The following TRIM68 variants were observed in gnomAD, a reference collection of about 807,000 sequenced individuals.
The protein encoded by TRIM68 is tripartite motif containing 68.
Under a neutral mutation model 41.9 loss-of-function variants are expected in TRIM68, and 36 were observed. That is an observed-to-expected ratio of 0.86 (90% CI 0.66 to 1.14). The LOEUF is 1.14. Among genes scored for constraint, TRIM68 ranks in the 50% most tolerant of loss-of-function variants. The pLI, the probability that TRIM68 is intolerant of heterozygous loss-of-function variation, is 0.00. For synonymous variants in TRIM68, 225 were observed against 224.6 expected (o/e 1.00, Z -0.02); for missense variants, 632 against 605.1 (o/e 1.04, Z -0.47).
At position 4,600,788 on chromosome 11, in the gene TRIM68, G is replaced by C; in HGVS notation, c.946C>G (p.Leu316Val). The C allele has an allele frequency of 1.9e-6, 3 of 1,614,132 alleles. No individual in the cohort carries two copies. The South Asian group carries it at 3.3e-5, about 18-fold the overall frequency. The stretch of plus-strand genomic sequence containing the variant: ...CGTTTTCTGTCCTCAGACACGATGA[G>C]ACGGGAGTAAGCAGTATCTGGATCC... ...RLDPDTAYSR[L>V]IVSEDRKRVH... Residue 316 changes from leucine (L) to valine (V), a missense_variant, in exon 7 of 7, where the codon CTC becomes GTC. Leu to Val is a conservative substitution (Grantham distance 32). Transcript: ENST00000300747.
chr11:4,599,670 C>G lies in TRIM68; in HGVS notation c.*606G>C, dbSNP rs1305251293. 6.6e-6 allele frequency: 1 copy of G among 152,276 alleles called. No homozygotes were observed. Among genetic ancestry groups the G allele is most frequent in the Non-Finnish European group, 1.5e-5 (1 of 68,132 alleles). 9.4% of individuals were successfully genotyped at this position (152,276 alleles called of 1,614,324 possible). ...GACAGTGATTTGCCCAGCTTGTGCT[C>G]AGAGAGGGAACGGCAGTGGGGTGGC... On this transcript the variant is annotated 3_prime_UTR_variant, in exon 7 of 7. Transcript: ENST00000300747.
chr11:4,601,962 G>T, intron 4 of TRIM68, 190 bp downstream of exon 4: 1 of 869,346 alleles, frequency 1.2e-6, no homozygotes, highest in Non-Finnish European at 1.8e-6. Flanking sequence ...CACCTATGAT[G>T]CTACAACAGA....
At chr11:4,607,196 T>G (rs969881083) in intron 1 of TRIM68, among the ~76,000 whole-genome samples, 3 of 152,250 alleles carry the variant, frequency 2.0e-5, no homozygotes, top group African/African-American at 7.2e-5. Flanking sequence ...GATCCTGCCT[T>G]TGACGTCATT....
chr11:4,600,157 G>C lies in TRIM68; in HGVS notation c.*119C>G. On this transcript the variant is annotated 3_prime_UTR_variant, in exon 7 of 7. Transcript: ENST00000300747. ...GCAAAGACCAAAGGATCAGACAGAG[G>C]AATCCTTGGATACTGGGCTCAGCTC... 9.7e-7 allele frequency: 1 copy of C among 1,027,296 alleles called. No homozygotes were observed. The highest frequency in any genetic ancestry group is 1.9e-5 in the South Asian group (1 of 52,588). 63.6% of individuals were successfully genotyped at this position (1,027,296 alleles called of 1,614,324 possible). A position where few individuals can be genotyped will look rare whatever the true frequency, so the allele number is the denominator to read the frequency against.
At position 4,600,640 on chromosome 11, in the gene TRIM68, C is replaced by G; in HGVS notation, c.1094G>C (p.Gly365Ala). 1.2e-6 allele frequency: 2 copies of G among 1,614,170 alleles called. No individual in the cohort carries two copies. Among genetic ancestry groups the G allele is most frequent in the Non-Finnish European group, 1.7e-6 (2 of 1,180,026 alleles). ...SGRHYWEVEV[G>A]DRSEWGLGVC... ...TCCCAGGCCCCACTCAGACCTGTCT[C>G]CCACCTCCACCTCCCAGTAGTGCCG... The change falls in exon 7 of 7, where the codon GGA (glycine) becomes GCA (alanine). Residue 365 changes from glycine to alanine, a missense_variant. Gly to Ala is a moderately conservative substitution (Grantham distance 60). Coordinates refer to ENST00000300747, the MANE Select transcript of TRIM68 (RefSeq NM_018073.8).
chr11:4,602,223 T>A lies in TRIM68; in HGVS notation c.712A>T (p.Ser238Cys). ...GCAATCATCCTCCACAGGACCTGGC[T>A]CTGCTGGATGAGCTCGCTATGGTTC... Reference protein sequence around the residue: ...ELNHSELIQQSQVLWRMIAEL... With the variant: ...ELNHSELIQQCQVLWRMIAEL... Residue 238 changes from serine to cysteine, a missense_variant, in exon 4 of 7, where the codon AGC (serine) becomes TGC (cysteine). Physicochemically the swap from Ser to Cys is moderately radical, Grantham distance 112. Transcript: ENST00000300747. The A allele has an allele frequency of 6.2e-7, 1 of 1,614,132 alleles. No individual in the cohort carries two copies. Among genetic ancestry groups the A allele is most frequent in the Non-Finnish European group, 8.5e-7 (1 of 1,180,026 alleles).
In TRIM68 at chr11:4,605,058, T is replaced by G. The variant is rs764604487; in HGVS notation, c.426+21A>C. Reference sequence around the variant, plus strand: ...ACTTGGGGCCGGGGTTAGACTGGAGTGGCCAGCTTCCATCTCTCACCTTGT... The same window carrying G: ...ACTTGGGGCCGGGGTTAGACTGGAGGGGCCAGCTTCCATCTCTCACCTTGT... On this transcript the variant is annotated intron_variant, in intron 2 of 6. Coordinates refer to ENST00000300747, the MANE Select transcript of TRIM68 (RefSeq NM_018073.8). 5 of 1,608,636 alleles carry G rather than the reference T, an allele frequency of 3.1e-6. No individual in the cohort carries two copies. The South Asian group carries it at 5.5e-5, about 18-fold the overall frequency.
chr11:4,604,712 T>C (rs984904956), intron 2 of TRIM68, among the ~76,000 whole-genome samples: 1 of 152,240 alleles, frequency 6.6e-6, no homozygotes, highest in African/African-American at 2.4e-5. Context: ...TAGGAGGAGT[T>C]TGCAGGTCAG....
chr11:4,603,081 G>A (rs1846517156), intron 3 of TRIM68, among the ~76,000 whole-genome samples, 164 bp downstream of exon 3: 1 of 152,146 alleles, frequency 6.6e-6, no homozygotes. Context: ...GAGGTGACGT[G>A]GCCTACCTAA....
Position 4,600,790 on chromosome 11 carries a change from C to A in TRIM68, c.944G>T (p.Arg315Leu). ...VRLDPDTAYS[R>L]LIVSEDRKRV... ...TTTTCTGTCCTCAGACACGATGAGA[C>A]GGGAGTAAGCAGTATCTGGATCCAA... is the stretch of plus-strand genomic sequence containing the variant. The change falls in exon 7 of 7, where the codon CGT becomes CTT. Residue 315 changes from arginine to leucine, a missense_variant. Physicochemically the swap from Arg to Leu is moderately radical, Grantham distance 102. Coordinates refer to ENST00000300747, the MANE Select transcript of TRIM68 (RefSeq NM_018073.8). 1 of 1,613,930 alleles carries A rather than the reference C, an allele frequency of 6.2e-7. No homozygotes were observed. Among genetic ancestry groups the A allele is most frequent in the Non-Finnish European group, 8.5e-7 (1 of 1,179,940 alleles).
intron 1 of TRIM68, among the ~76,000 whole-genome samples, 175 bp from the exon 2 acceptor site, chr11:4,605,736 C>T (rs1382227849): frequency 6.6e-6 from 1 of 152,260 alleles, no homozygotes; most frequent in African/African-American, 2.4e-5. Context: ...GAACGGGCCA[C>T]ATTACTCATA....
chr11:4,602,162 C>G lies in TRIM68; in HGVS notation c.773G>C (p.Trp258Ser). The G allele has an allele frequency of 1.9e-6, 3 of 1,614,166 alleles. No homozygotes were observed. ...AAACCTACTACTCACCTGCAACATC[C>G]AGCGGACAGGCCTCTGCGACCTCTC... ...LKERSQRPVR[W>S]MLQDIQEVLN... The change falls in exon 4 of 7, where the codon TGG becomes TCG. Residue 258 changes from tryptophan (W) to serine (S), a missense_variant. Physicochemically the swap from Trp to Ser is radical, Grantham distance 177 (BLOSUM62 -3). Coordinates refer to ENST00000300747, the MANE Select transcript of TRIM68 (RefSeq NM_018073.8).
At chr11:4,605,584 A>G (rs1316820074) in intron 1 of TRIM68, 23 bp from the exon 2 acceptor site, 18 of 1,358,800 alleles carry the variant, frequency 1.3e-5, no homozygotes, top group Middle Eastern at 1.9e-4. Flanking sequence ...AAAGAAAGAC[A>G]AATAAGAGAA....
At chr11:4,601,800 A>G (rs1846493327) in intron 4 of TRIM68, 114 bp from the exon 5 acceptor site, 10 of 1,251,798 alleles carry the variant, frequency 8.0e-6, no homozygotes, top group Middle Eastern at 3.7e-4. Context: ...CCAAGAATGG[A>G]GAGATGCCAT....
rs142062427 is a variant in TRIM68, at chr11:4,604,781, A to G, written c.426+298T>C. On this transcript the variant is annotated intron_variant, in intron 2 of 6. Transcript: ENST00000300747. The stretch of plus-strand genomic sequence containing the variant: ...GCCTAAACTCATCCAAGGCATCCAG[A>G]ATCTCAGTTAAAACCCAAACTGTTT... Among the ~76,000 whole-genome samples, 366 of 152,330 alleles carry G rather than the reference A, an allele frequency of 2.4e-3. 1 individual carries two copies. Among genetic ancestry groups the G allele is most frequent in the Non-Finnish European group, 3.0e-3 (203 of 68,024 alleles).
rs1846460200 is a variant in TRIM68, at chr11:4,600,227, T to G, written c.*49A>C. On this transcript the variant is annotated 3_prime_UTR_variant, in exon 7 of 7. Transcript: ENST00000300747. ...CAGTGGCTCGGTCCTCCAAGCCCCA[T>G]GGGGGCCAGGCCCAATTCCAAGCCT... The G allele has an allele frequency of 6.6e-7, 1 of 1,509,936 alleles. No homozygotes were observed. Among genetic ancestry groups the G allele is most frequent in the Non-Finnish European group, 8.9e-7 (1 of 1,129,112 alleles). The allele number at this position is 1,509,936 out of a possible 1,614,324, so 93.5% of individuals were successfully genotyped here.
chr11:4,607,610 T>C (rs1846587888), intron 1 of TRIM68, among the ~76,000 whole-genome samples: 1 of 152,230 alleles, frequency 6.6e-6, no homozygotes, highest in East Asian at 1.9e-4. Context: ...TATTTTGATT[T>C]AGGGTGCTAA....
chr11:4,607,981 G>A (rs1293970356), intron 1 of TRIM68, 46 bp downstream of exon 1: 2 of 152,390 alleles, frequency 1.3e-5, no homozygotes, highest in Admixed American at 1.3e-4. Context: ...GGGGTAAAGT[G>A]AGCGTGCGGG....
intron 6 of TRIM68, 52 bp downstream of exon 6, chr11:4,600,975 C>G: frequency 2.5e-6 from 4 of 1,579,350 alleles, no homozygotes; most frequent in Non-Finnish European, 2.6e-6. Context: ...TTTTCTATCT[C>G]TGGGAGGGGT....
Sources: gnomAD v4.1 joint callset for allele counts (sites outside exome capture counted in the v4.1 genomes callset) on GRCh38, gnomAD v4.1.1 for gene constraint, MANE v1.5 for transcripts, NCBI Gene and HGNC (gene_info 2026-07-23, HGNC 2026-07-21) for gene names.